LPP: variants seen among roughly 807,000 people sequenced by gnomAD.
The protein encoded by LPP is LIM domain containing preferred translocation partner in lipoma.
In LPP, 38 loss-of-function variants were observed where a neutral mutation model predicts 60.4. That is an observed-to-expected ratio of 0.63 (90% CI 0.49 to 0.83). LPP has a LOEUF of 0.83. Among genes scored for constraint, LPP ranks in the 40% least tolerant of loss-of-function variants. LPP has a pLI of 0.00. For missense variants in LPP, 902 were observed against 783.6 expected (o/e 1.15, Z -1.80); for synonymous variants, 328 against 290.8 (o/e 1.13, Z -1.30).
At chr3:188,538,481 C>T (rs1824247702) in intron 6 of LPP, among the ~76,000 whole-genome samples, 1 of 152,010 alleles carries the variant, frequency 6.6e-6, no homozygotes, top group Admixed American at 6.6e-5. Context: ...CAAGTCAAAC[C>T]ACAACGAGAT....
intron 1 of LPP, among the ~76,000 whole-genome samples, chr3:188,169,123 A>G (rs541709952): frequency 2.0e-4 from 31 of 152,248 alleles, no homozygotes; most frequent in Non-Finnish European, 3.4e-4. Context: ...TCGTAGTATA[A>G]CTGAGAAACT....
intron 3 of LPP, 105 bp downstream of exon 3, chr3:188,341,824 C>T (rs537589367): frequency 6.3e-6 from 2 of 319,522 alleles, no homozygotes; most frequent in Non-Finnish European, 9.0e-6. Flanking sequence ...ATACAAAGTA[C>T]TTTATGAGGA....
chr3:188,449,665 C>G (rs1578984825), intron 4 of LPP, among the ~76,000 whole-genome samples: 1 of 152,228 alleles, frequency 6.6e-6, no homozygotes, highest in East Asian at 1.9e-4. Context: ...CTGTACATCT[C>G]ACTCTTCGCT....
intron 6 of LPP, among the ~76,000 whole-genome samples, chr3:188,536,008 T>TA (rs2150330291): frequency 2.6e-5 from 1 of 38,486 alleles, no homozygotes; most frequent in South Asian, 8.3e-4. Flanking sequence ...ATGAATTTTT[T>TA]TTTTTTTTTT....
At chr3:188,282,231 A>G (rs370498178) in intron 2 of LPP, among the ~76,000 whole-genome samples, 21 of 151,814 alleles carry the variant, frequency 1.4e-4, no homozygotes, top group East Asian at 5.8e-4. Flanking sequence ...TTTACATAAT[A>G]TTGTGGGTCC....
intron 7 of LPP, among the ~76,000 whole-genome samples, chr3:188,683,091 C>G (rs1030637031): frequency 6.6e-6 from 1 of 152,034 alleles, no homozygotes. Context: ...TGAGTCAGTG[C>G]AAAACTGTAC....
intron 5 of LPP, among the ~76,000 whole-genome samples, chr3:188,522,678 T>C (rs1819204399): frequency 6.6e-6 from 1 of 150,904 alleles, no homozygotes; most frequent in East Asian, 2.0e-4. Flanking sequence ...TAAAAATGGA[T>C]TTAAAAGGGT....
chr3:188,846,408 G>A (rs971759825), intron 9 of LPP, among the ~76,000 whole-genome samples: 6 of 152,030 alleles, frequency 3.9e-5, no homozygotes, highest in South Asian at 4.1e-4. Flanking sequence ...TAGAGGCTGG[G>A]TGCAGTGGCT....
intron 9 of LPP, among the ~76,000 whole-genome samples, chr3:188,770,428 T>A (rs1735586323): frequency 6.6e-6 from 1 of 150,772 alleles, no homozygotes; most frequent in South Asian, 2.1e-4. Context: ...CCTGACCTCA[T>A]GATCCGCCTG....
At chr3:188,434,735 G>A (rs1033195294) in intron 4 of LPP, among the ~76,000 whole-genome samples, 41 of 152,206 alleles carry the variant, frequency 2.7e-4, no homozygotes, top group Non-Finnish European at 3.1e-4. Flanking sequence ...AGGAGACTTG[G>A]TTGCGCTTGA....
intron 6 of LPP, among the ~76,000 whole-genome samples, chr3:188,543,856 G>A (rs1191089192): frequency 2.0e-5 from 3 of 152,222 alleles, no homozygotes; most frequent in East Asian, 3.9e-4. Flanking sequence ...AATACTAGGG[G>A]GAATCTTATA....
chr3:188,354,814 C>T (rs185254290), intron 3 of LPP, among the ~76,000 whole-genome samples: 15 of 94,160 alleles, frequency 1.6e-4, no homozygotes, highest in South Asian at 8.7e-4. Flanking sequence ...CACACACGCG[C>T]GTGCGCGCAC....
At chr3:188,750,114 T>C (rs1577335205) in intron 8 of LPP, among the ~76,000 whole-genome samples, 1 of 152,072 alleles carries the variant, frequency 6.6e-6, no homozygotes, top group Non-Finnish European at 1.5e-5. Flanking sequence ...TGGCAGACAG[T>C]GGAAGAGCAA....
intron 2 of LPP, among the ~76,000 whole-genome samples, chr3:188,228,314 G>T (rs1441927422): frequency 6.6e-6 from 1 of 152,168 alleles, no homozygotes; most frequent in Non-Finnish European, 1.5e-5. Context: ...AGTCTGCTGG[G>T]GTCTCTGGCA....
chr3:188,203,110 A>T (rs1469014325), intron 1 of LPP, among the ~76,000 whole-genome samples: 1 of 142,256 alleles, frequency 7.0e-6, no homozygotes, highest in Non-Finnish European at 1.5e-5. Context: ...ATTTATTTAT[A>T]ATATAAATAT....
At chr3:188,584,317 C>G (rs778684466) in intron 6 of LPP, 1 of 152,026 alleles carries the variant, frequency 6.6e-6, no homozygotes, top group Non-Finnish European at 1.5e-5. Flanking sequence ...AATTTGTAGG[C>G]GGGTGAGCTG....
At chr3:188,174,838 C>T (rs1469611006) in intron 1 of LPP, among the ~76,000 whole-genome samples, 4 of 152,184 alleles carry the variant, frequency 2.6e-5, no homozygotes, top group Non-Finnish European at 5.9e-5. Context: ...GCCCATCCCC[C>T]CTAAGCAGGA....
rs185022297 is a variant in LPP, at chr3:188,204,163, C to T, written c.-189-21242C>T. ...TGAGATTTGGAGGTACAGCACAAGG[C>T]GGGGAAAGCATGAGCCAAGTTTTGA... On this transcript the variant is annotated intron_variant, in intron 1 of 11. Coordinates refer to ENST00000617246, the MANE Select transcript of LPP (RefSeq NM_001375462.1). Among the ~76,000 whole-genome samples, 4 of 152,080 alleles carry T rather than the reference C, an allele frequency of 2.6e-5. No homozygotes were observed. The East Asian group carries it at 7.8e-4, about 29-fold the overall frequency.
intron 9 of LPP, among the ~76,000 whole-genome samples, chr3:188,761,370 G>T (rs1381791217): frequency 6.6e-6 from 1 of 152,128 alleles, no homozygotes; most frequent in African/African-American, 2.4e-5. Flanking sequence ...CAAGATTAAG[G>T]CTTCGTAGGA....
Sources: gnomAD v4.1 joint callset for allele counts (sites outside exome capture counted in the v4.1 genomes callset) on GRCh38, gnomAD v4.1.1 for gene constraint, MANE v1.5 for transcripts, NCBI Gene and HGNC (gene_info 2026-07-23, HGNC 2026-07-21) for gene names.